Variants in ZNF385D observed in about 807,000 individuals in gnomAD.
The protein encoded by ZNF385D is zinc finger protein 659.
Under a neutral mutation model 35.8 loss-of-function variants are expected in ZNF385D, and 15 were observed. The observed-to-expected ratio is 0.42, with a 90% CI of 0.28 to 0.64. ZNF385D has a LOEUF of 0.64. ZNF385D is among the 30% of genes least tolerant of loss of function. The pLI is 0.23. For synonymous variants in ZNF385D, 212 were observed against 186.8 expected, an observed-to-expected ratio of 1.13 and a Z score of -1.10; for missense variants, 474 against 494.6, an observed-to-expected ratio of 0.96 and a Z score of 0.39.
intron 2 of ZNF385D, among the ~76,000 whole-genome samples, chr3:21,590,212 A>T (rs1038662492): frequency 1.3e-5 from 2 of 152,194 alleles, no homozygotes; most frequent in Non-Finnish European, 2.9e-5. Context: ...TGGATCTCAG[A>T]CACATAATAG....
intron 1 of ZNF385D, among the ~76,000 whole-genome samples, chr3:21,703,683 T>A (rs1257458146): frequency 6.6e-6 from 1 of 152,106 alleles, no homozygotes; most frequent in Non-Finnish European, 1.5e-5. Flanking sequence ...AAAAATGGCA[T>A]TCTCCTGTGT....
At chr3:22,012,096 C>A (rs532462211) in intron 3 of ZNF385D, among the ~76,000 whole-genome samples, 1 of 152,266 alleles carries the variant, frequency 6.6e-6, no homozygotes, top group East Asian at 1.9e-4. Context: ...CATAGGTAGG[C>A]TCCAGGGAGC....
chr3:21,528,034 A>T (rs1708333085), intron 3 of ZNF385D, among the ~76,000 whole-genome samples: 1 of 152,190 alleles, frequency 6.6e-6, no homozygotes, highest in African/African-American at 2.4e-5. Flanking sequence ...GTGTTTAAAT[A>T]ACTTCCCAAG....
intron 3 of ZNF385D, among the ~76,000 whole-genome samples, chr3:22,130,269 T>C (rs1559392273): frequency 2.0e-5 from 3 of 152,068 alleles, no homozygotes; most frequent in Non-Finnish European, 1.5e-5. Context: ...GGGAGAAGGG[T>C]GATGCAAGTA....
chr3:22,187,023 G>T (rs915331719), intron 2 of ZNF385D, among the ~76,000 whole-genome samples: 6 of 152,054 alleles, frequency 3.9e-5, no homozygotes, highest in African/African-American at 1.2e-4. Flanking sequence ...CGCAGAGCTG[G>T]GTTTTGAACT....
intron 3 of ZNF385D, among the ~76,000 whole-genome samples, chr3:21,817,018 G>A (rs1191510092): frequency 2.0e-5 from 3 of 152,144 alleles, no homozygotes; most frequent in African/African-American, 7.2e-5. Flanking sequence ...AGAGCCCTCA[G>A]AAATAATACC....
chr3:21,725,051 T>C (rs1011943368), intron 1 of ZNF385D, among the ~76,000 whole-genome samples: 3 of 152,152 alleles, frequency 2.0e-5, no homozygotes, highest in Non-Finnish European at 2.9e-5. Flanking sequence ...AACAATTACA[T>C]GAAAACTGAA....
intron 3 of ZNF385D, among the ~76,000 whole-genome samples, chr3:21,841,760 G>C (rs1213290938): frequency 1.3e-5 from 2 of 151,756 alleles, no homozygotes; most frequent in Non-Finnish European, 2.9e-5. Flanking sequence ...AATTTAGGAA[G>C]ACCTTGACTT....
At chr3:22,145,240 A>G (rs1264586778) in intron 3 of ZNF385D, among the ~76,000 whole-genome samples, 11 of 152,224 alleles carry the variant, frequency 7.2e-5, no homozygotes, top group Non-Finnish European at 1.6e-4. Flanking sequence ...CACCATAAAT[A>G]AAGTTATTAG....
At chr3:21,698,614 T>C (rs1295189999) in intron 1 of ZNF385D, among the ~76,000 whole-genome samples, 3 of 150,788 alleles carry the variant, frequency 2.0e-5, no homozygotes, top group Non-Finnish European at 4.4e-5. Flanking sequence ...ATATCCAGAA[T>C]CTACAAAGAA....
At chr3:21,741,173 C>T (rs1040259238) in intron 1 of ZNF385D, among the ~76,000 whole-genome samples, 1 of 152,110 alleles carries the variant, frequency 6.6e-6, no homozygotes, top group African/African-American at 2.4e-5. Context: ...TCAAAGGAAA[C>T]CAAGAGGTCC....
intron 2 of ZNF385D, among the ~76,000 whole-genome samples, chr3:22,177,386 G>A (rs1200267807): frequency 6.6e-6 from 1 of 152,036 alleles, no homozygotes; most frequent in Non-Finnish European, 1.5e-5. Context: ...ATGTATATCT[G>A]GTGAAAAGTT....
chr3:21,819,850 CATAA>C (rs1269559138), intron 3 of ZNF385D, among the ~76,000 whole-genome samples: 22 of 147,408 alleles, frequency 1.5e-4, no homozygotes, highest in Middle Eastern at 4.3e-3. Flanking sequence ...CACATATATA[CATAA>C]ATATACACAT....
chr3:21,777,039 C>T (rs1334124776), intron 3 of ZNF385D, among the ~76,000 whole-genome samples: 1 of 151,978 alleles, frequency 6.6e-6, no homozygotes, highest in East Asian at 1.9e-4. Flanking sequence ...TACTTACTTC[C>T]TCAGCCTTTT....
chr3:21,989,928 G>C (rs920617049), intron 3 of ZNF385D, among the ~76,000 whole-genome samples: 1 of 152,152 alleles, frequency 6.6e-6, no homozygotes, highest in African/African-American at 2.4e-5. Context: ...ATGTGTGCCT[G>C]ATTTCACACA....
At chr3:22,282,853 T>C (rs1381069679) in intron 2 of ZNF385D, among the ~76,000 whole-genome samples, 1 of 151,934 alleles carries the variant, frequency 6.6e-6, no homozygotes, top group Non-Finnish European at 1.5e-5. Context: ...TAATGTGGAA[T>C]GTAAATGGCC....
At chr3:21,567,737 A>AAAT (rs896802563) in intron 2 of ZNF385D, among the ~76,000 whole-genome samples, 1 of 152,196 alleles carries the variant, frequency 6.6e-6, no homozygotes, top group African/African-American at 2.4e-5. Context: ...TGATACTTTG[A>AAAT]AATAAAAATG....
At chr3:21,796,367 T>C (rs1052421476) in intron 3 of ZNF385D, among the ~76,000 whole-genome samples, 2 of 152,118 alleles carry the variant, frequency 1.3e-5, no homozygotes, top group African/African-American at 2.4e-5. Context: ...CTCTCATAAA[T>C]ATAAATGCAA....
chr3:22,245,298 C>T (rs17011094), intron 2 of ZNF385D, among the ~76,000 whole-genome samples: 6,817 of 152,118 alleles, frequency 0.045, 269 homozygotes, highest in African/African-American at 0.1. Context: ...ATTCTGACCT[C>T]AGCATTCCTA....
Sources: allele counts gnomAD v4.1 joint callset (sites outside exome capture counted in the v4.1 genomes callset), GRCh38; gene constraint gnomAD v4.1.1; transcripts MANE v1.5; gene names NCBI Gene and HGNC (gene_info 2026-07-23, HGNC 2026-07-21).